The following ST6GALNAC5 variants were observed in gnomAD, a reference collection of about 807,000 sequenced individuals.
ST6GALNAC5 encodes alpha-N-acetylgalactosaminide alpha-2,6-sialyltransferase 5.
ST6GALNAC5 carries 27 observed loss-of-function variants against 33.6 expected under a neutral mutation model. That is an observed-to-expected ratio of 0.80 (90% confidence interval 0.59 to 1.11). ST6GALNAC5 has a LOEUF of 1.11. Among genes scored for constraint, ST6GALNAC5 ranks in the 50% least tolerant of loss-of-function variants. ST6GALNAC5 has a pLI of 0.00. For synonymous variants in ST6GALNAC5, 194 were observed against 171.2 expected (o/e 1.13, Z -1.04); for missense variants, 428 against 454.0 (o/e 0.94, Z 0.52).
intron 2 of ST6GALNAC5, among the ~76,000 whole-genome samples, chr1:76,931,855 T>A (rs1647144712): frequency 6.6e-6 from 1 of 151,904 alleles, no homozygotes; most frequent in Admixed American, 6.6e-5. Flanking sequence ...GTCCCTGAAG[T>A]AACAACATTT....
intron 4 of ST6GALNAC5, among the ~76,000 whole-genome samples, chr1:77,056,395 A>C (rs569540688): frequency 6.6e-6 from 1 of 152,338 alleles, no homozygotes; most frequent in Admixed American, 6.5e-5. Context: ...ATTTCTGGTC[A>C]TACTTAGCAC....
chr1:76,967,058 C>CT (rs991867822), intron 2 of ST6GALNAC5, among the ~76,000 whole-genome samples: 6 of 152,214 alleles, frequency 3.9e-5, no homozygotes, highest in African/African-American at 1.4e-4. Context: ...CTAAAATTCT[C>CT]TTTTTTTGTT....
At chr1:76,891,919 G>A (rs1382702200) in intron 2 of ST6GALNAC5, among the ~76,000 whole-genome samples, 1 of 152,126 alleles carries the variant, frequency 6.6e-6, no homozygotes, top group African/African-American at 2.4e-5. Context: ...TATATATACT[G>A]TCACTAGCCA....
chr1:76,869,094 G>C (rs115953123), intron 2 of ST6GALNAC5: 3,892 of 241,048 alleles, frequency 0.016, 168 homozygotes, highest in African/African-American at 0.084. Flanking sequence ...TGCCTGGTGG[G>C]AGGAAACTGG....
At chr1:77,036,254 G>C (rs1032522074) in intron 2 of ST6GALNAC5, among the ~76,000 whole-genome samples, 4 of 152,160 alleles carry the variant, frequency 2.6e-5, no homozygotes, top group African/African-American at 9.7e-5. Flanking sequence ...GGTTGCCTAG[G>C]GCTGGACATG....
chr1:76,940,632 A>G (rs139401873), intron 2 of ST6GALNAC5, among the ~76,000 whole-genome samples: 2 of 152,218 alleles, frequency 1.3e-5, no homozygotes, highest in Non-Finnish European at 2.9e-5. Context: ...GTGGTAAACC[A>G]GGGACCAAAA....
At chr1:76,910,666 A>T (rs1646902630) in intron 2 of ST6GALNAC5, among the ~76,000 whole-genome samples, 1 of 152,052 alleles carries the variant, frequency 6.6e-6, no homozygotes, top group Non-Finnish European at 1.5e-5. Context: ...GTTGTTATCA[A>T]TGTGAGTTTG....
intron 2 of ST6GALNAC5, among the ~76,000 whole-genome samples, chr1:77,034,549 G>A (rs557095002): frequency 1.3e-5 from 2 of 152,286 alleles, no homozygotes; most frequent in South Asian, 4.1e-4. Flanking sequence ...ACCTCTAAGG[G>A]GATGTCCTGG....
chr1:77,025,523 A>G (rs1346021905), intron 2 of ST6GALNAC5, among the ~76,000 whole-genome samples: 1 of 151,880 alleles, frequency 6.6e-6, no homozygotes, highest in African/African-American at 2.4e-5. Context: ...GTCTTGAAAA[A>G]AAAAAAAATG....
At chr1:76,945,119 A>G (rs1176246695) in intron 2 of ST6GALNAC5, among the ~76,000 whole-genome samples, 1 of 152,064 alleles carries the variant, frequency 6.6e-6, no homozygotes, top group Non-Finnish European at 1.5e-5. Flanking sequence ...GGAACCCTCC[A>G]TATTGACCTG....
intron 2 of ST6GALNAC5, among the ~76,000 whole-genome samples, chr1:76,903,477 G>T (rs1377661178): frequency 1.3e-5 from 2 of 152,190 alleles, no homozygotes; most frequent in Non-Finnish European, 2.9e-5. Flanking sequence ...TGGACTGGCA[G>T]TTCCTCAAAT....
chr1:76,897,983 G>A (rs146779770), intron 2 of ST6GALNAC5, among the ~76,000 whole-genome samples: 31 of 152,270 alleles, frequency 2.0e-4, no homozygotes, highest in African/African-American at 7.0e-4. Context: ...CTCAAAGCTC[G>A]GCGTCCATGA....
intron 2 of ST6GALNAC5, among the ~76,000 whole-genome samples, chr1:77,010,937 A>G (rs1464758031): frequency 1.3e-5 from 2 of 152,242 alleles, no homozygotes; most frequent in Non-Finnish European, 2.9e-5. Flanking sequence ...TCTACATGTC[A>G]TTCAGATGTT....
chr1:77,002,227 A>G (rs1378381052), intron 2 of ST6GALNAC5, among the ~76,000 whole-genome samples: 1 of 151,744 alleles, frequency 6.6e-6, no homozygotes, highest in African/African-American at 2.4e-5. Flanking sequence ...GGGAGAGTGT[A>G]TGTGTCGAGG....
At chr1:76,912,026 A>C (rs1192419758) in intron 2 of ST6GALNAC5, among the ~76,000 whole-genome samples, 1 of 151,850 alleles carries the variant, frequency 6.6e-6, no homozygotes, top group Non-Finnish European at 1.5e-5. Flanking sequence ...TCAGGTGTCA[A>C]TTTTGGATCT....
At chr1:76,906,098 T>G (rs1646862050) in intron 2 of ST6GALNAC5, among the ~76,000 whole-genome samples, 1 of 152,192 alleles carries the variant, frequency 6.6e-6, no homozygotes, top group Admixed American at 6.6e-5. Flanking sequence ...TTTCTTTTTC[T>G]TAACTGAGGA....
intron 2 of ST6GALNAC5, among the ~76,000 whole-genome samples, chr1:76,993,324 C>T (rs1253320159): frequency 6.6e-6 from 1 of 152,194 alleles, no homozygotes; most frequent in Non-Finnish European, 1.5e-5. Context: ...TTTTCTTTGT[C>T]ATCCTACCCA....
chr1:76,878,565 G>C (rs549260088), intron 2 of ST6GALNAC5, among the ~76,000 whole-genome samples: 1 of 152,090 alleles, frequency 6.6e-6, no homozygotes, highest in Non-Finnish European at 1.5e-5. Flanking sequence ...AAAGGCTGGC[G>C]ATCTCCTGGG....
intron 2 of ST6GALNAC5, among the ~76,000 whole-genome samples, chr1:76,950,423 A>C (rs1452189614): frequency 6.6e-6 from 1 of 152,160 alleles, no homozygotes; most frequent in Non-Finnish European, 1.5e-5. Flanking sequence ...CGTAGAGATG[A>C]ACTAATTTAT....
Sources: allele counts gnomAD v4.1 joint callset (sites outside exome capture counted in the v4.1 genomes callset), GRCh38; gene constraint gnomAD v4.1.1; transcripts MANE v1.5; gene names NCBI Gene and HGNC (gene_info 2026-07-23, HGNC 2026-07-21).